Variants in DSCAM observed in about 807,000 individuals in gnomAD.
DSCAM encodes the protein cell adhesion molecule DSCAM.
In DSCAM, 47 loss-of-function variants were observed where a neutral mutation model predicts 217.7. That is an observed-to-expected ratio of 0.22 (90% CI 0.17 to 0.28). The LOEUF is 0.28. Among genes scored for constraint, DSCAM ranks in the 10% least tolerant of loss-of-function variants. The pLI is 1.00. For missense variants in DSCAM, 2,080 were observed against 2,618.3 expected, an observed-to-expected ratio of 0.79 and a Z score of 4.49; for synonymous variants, 1,056 against 1,015.3, an observed-to-expected ratio of 1.04 and a Z score of -0.76.
intron 20 of DSCAM, among the ~76,000 whole-genome samples, chr21:40,100,714 G>A (rs1013287439): frequency 1.3e-5 from 2 of 151,610 alleles, no homozygotes; most frequent in Admixed American, 6.6e-5. Context: ...GTATAAAGAA[G>A]GGCAAACTCA....
intron 10 of DSCAM, among the ~76,000 whole-genome samples, chr21:40,290,308 C>T (rs73227012): frequency 6.4e-4 from 97 of 152,248 alleles, no homozygotes; most frequent in Non-Finnish European, 1.0e-3. Context: ...ATGGAAAACA[C>T]CAAATTATAG....
rs189910491 is a variant in DSCAM at position 40,409,940 on chromosome 21, A to T, written c.509-40695T>A. On this transcript the variant is annotated intron_variant, in intron 3 of 32. Transcript: ENST00000400454. Reference sequence around the variant, plus strand: ...ATAAAATTCAAAATGGCTGACATCCACTAAACAATTACAAAACATGTCTAA... The same window carrying T: ...ATAAAATTCAAAATGGCTGACATCCTCTAAACAATTACAAAACATGTCTAA... Among the ~76,000 whole-genome samples the T allele has an allele frequency of 4.1e-3, 621 of 152,368 alleles. 11 individuals carry two copies. The highest frequency in any genetic ancestry group is 0.014 in the African/African-American group (593 of 41,600).
At chr21:40,508,755 A>ATATATATG (rs1187569522) in intron 3 of DSCAM, among the ~76,000 whole-genome samples, 1 of 3,766 alleles carries the variant, frequency 2.7e-4, no homozygotes, top group Non-Finnish European at 4.8e-4. Context: ...ATATATATAT[A>ATATATATG]TATATATATA....
Position 40,189,195 on chromosome 21 carries a change from C to T in DSCAM, c.2400G>A (p.Thr800=), listed in dbSNP as rs371668588. The change falls in exon 12 of 33, where the codon ACG becomes ACA. Residue 800 remains threonine, a synonymous_variant. Coordinates refer to ENST00000400454, the MANE Select transcript of DSCAM (RefSeq NM_001389.5). ...ITSYPNTTLA[T]QGQKKEMSCT... ...AGCTCATCTCCTTTTTCTGCCCCTG[C>T]GTGGCCAGGGTAGTATTTGGATAGG... 1.2e-5 allele frequency: 20 copies of T among 1,612,110 alleles called. No individual in the cohort carries two copies. The highest frequency in any genetic ancestry group is 8.4e-5 in the Admixed American group (5 of 59,638).
chr21:40,327,512 A>G (rs2074330741), intron 8 of DSCAM, among the ~76,000 whole-genome samples: 2 of 151,986 alleles, frequency 1.3e-5, no homozygotes, highest in South Asian at 4.1e-4. Context: ...TTCCTTTCCA[A>G]TTTGAATTAT....
chr21:40,639,689 ATG>A (rs56796261), intron 3 of DSCAM, among the ~76,000 whole-genome samples: 20 of 150,266 alleles, frequency 1.3e-4, no homozygotes, highest in East Asian at 2.0e-4. Context: ...ATGTGTGTGC[ATG>A]TGTGTGTGTG....
intron 32 of DSCAM, among the ~76,000 whole-genome samples, chr21:40,022,825 T>C (rs1436524818): frequency 1.3e-5 from 2 of 152,088 alleles, no homozygotes; most frequent in Non-Finnish European, 2.9e-5. Flanking sequence ...CAACAAGTAA[T>C]ATTTACCAAA....
chr21:40,402,800 AT>A (rs1195978729), intron 3 of DSCAM, among the ~76,000 whole-genome samples: 1 of 152,082 alleles, frequency 6.6e-6, no homozygotes, highest in Non-Finnish European at 1.5e-5. Flanking sequence ...TATACTAACC[AT>A]TTTTTGACCT....
chr21:40,752,278 A>T (rs2091237017), intron 1 of DSCAM, among the ~76,000 whole-genome samples: 1 of 152,148 alleles, frequency 6.6e-6, no homozygotes, highest in Admixed American at 6.5e-5. Flanking sequence ...CTCCAAAGCC[A>T]GCTCACCTCT....
intron 8 of DSCAM, among the ~76,000 whole-genome samples, chr21:40,335,661 G>T: frequency 6.6e-6 from 1 of 152,300 alleles, no homozygotes; most frequent in Non-Finnish European, 1.5e-5. Context: ...AATGCATAAA[G>T]AAGTTCATTT....
intron 3 of DSCAM, among the ~76,000 whole-genome samples, chr21:40,617,011 CGT>C: frequency 1.1e-5 from 1 of 94,704 alleles, no homozygotes; most frequent in African/African-American, 4.1e-5. Context: ...AGCAAGACTC[CGT>C]CTCAAAAAAA....
rs958021557 is a variant in DSCAM at position 40,624,768 on chromosome 21, A to C, written c.508+68042T>G. Reference sequence around the variant, plus strand: ...AACCTTTGTGTGCATACACATCCAAAAGCACATCCACACAAACACACACTC... The same window carrying C: ...AACCTTTGTGTGCATACACATCCAACAGCACATCCACACAAACACACACTC... On this transcript the variant is annotated intron_variant, in intron 3 of 32. Transcript: ENST00000400454. 1.8e-4 allele frequency among the ~76,000 whole-genome samples: 5 copies of C among 27,136 alleles called. No homozygotes were observed. In the East Asian group the frequency reaches 2.5e-3, roughly 14 times the overall value. The allele number at this position is 27,136 out of a possible 152,430, so 17.8% of individuals were successfully genotyped here.
intron 3 of DSCAM, among the ~76,000 whole-genome samples, chr21:40,559,318 C>T (rs1299043862): frequency 6.6e-6 from 1 of 152,034 alleles, no homozygotes; most frequent in South Asian, 2.1e-4. Context: ...ATTAGCCGGG[C>T]GCGGTGGCGG....
rs115408147 is a variant in DSCAM, at chr21:40,395,958, A to G, written c.509-26713T>C. Among the ~76,000 whole-genome samples, 352 of 152,254 alleles carry G rather than the reference A, an allele frequency of 2.3e-3. 1 individual carries two copies. Among genetic ancestry groups the G allele is most frequent in the African/African-American group, 8.0e-3 (331 of 41,536 alleles). On this transcript the variant is annotated intron_variant, in intron 3 of 32. Coordinates refer to ENST00000400454, the MANE Select transcript of DSCAM (RefSeq NM_001389.5). Reference sequence around the variant, plus strand: ...AGTTCGGAATGTCAAATCTGATTACAGTGTTCTCCTGCAGCCTCTTCCAAG... The same window carrying G: ...AGTTCGGAATGTCAAATCTGATTACGGTGTTCTCCTGCAGCCTCTTCCAAG...
At chr21:40,142,779 A>G (rs2090308981) in intron 17 of DSCAM, 75 bp from the exon 18 acceptor site, 1 of 1,500,032 alleles carries the variant, frequency 6.7e-7, no homozygotes, top group East Asian at 2.3e-5. Context: ...AAAGCAACGT[A>G]TTTTAATATT....
At chr21:40,831,865 G>A (rs923350640) in intron 1 of DSCAM, among the ~76,000 whole-genome samples, 1 of 152,138 alleles carries the variant, frequency 6.6e-6, no homozygotes, top group Admixed American at 6.5e-5. Context: ...TTTATACACC[G>A]ATTTTTAAAA....
At chr21:40,582,275 T>C (rs1044703067) in intron 3 of DSCAM, among the ~76,000 whole-genome samples, 3 of 152,220 alleles carry the variant, frequency 2.0e-5, no homozygotes, top group African/African-American at 7.2e-5. Context: ...ATAATGAGAA[T>C]ACTTATTATT....
chr21:40,584,878 G>A (rs73366972), intron 3 of DSCAM, among the ~76,000 whole-genome samples: 5,823 of 152,240 alleles, frequency 0.038, 313 homozygotes, highest in African/African-American at 0.12. Flanking sequence ...TGAAAGTGGG[G>A]CCCAGTGGGA....
chr21:40,150,598 G>C (rs537378961), intron 16 of DSCAM, among the ~76,000 whole-genome samples: 1 of 152,226 alleles, frequency 6.6e-6, no homozygotes, highest in African/African-American at 2.4e-5. Context: ...CTCACTCTGA[G>C]TTATGGATGA....
Sources: allele counts gnomAD v4.1 joint callset (sites outside exome capture counted in the v4.1 genomes callset), GRCh38; gene constraint gnomAD v4.1.1; transcripts MANE v1.5; gene names NCBI Gene and HGNC (gene_info 2026-07-23, HGNC 2026-07-21).